BCAS4: variants seen among roughly 807,000 people sequenced by gnomAD.
The protein encoded by BCAS4 is breast carcinoma amplified sequence 4.
A neutral mutation model predicts 15.7 loss-of-function variants in BCAS4; 9 were observed. The observed-to-expected ratio is 0.57, with a 90% CI of 0.34 to 1.00. BCAS4 has a LOEUF of 1.00. Ranked by LOEUF, BCAS4 falls within the 50% of genes least tolerant of loss-of-function variation. The pLI, the probability that BCAS4 is intolerant of heterozygous loss-of-function variation, is 0.02. For missense variants in BCAS4, 225 were observed against 239.1 expected (o/e 0.94, Z 0.39); for synonymous variants, 101 against 99.5 (o/e 1.02, Z -0.09).
At chr20:50,801,868 C>T (rs557208547) in intron 1 of BCAS4, among the ~76,000 whole-genome samples, 6 of 152,196 alleles carry the variant, frequency 3.9e-5, no homozygotes, top group African/African-American at 1.2e-4. Context: ...AAAGATCTGA[C>T]AGCAGATGCC....
At chr20:50,819,193 G>A (rs2426201) in intron 2 of BCAS4, among the ~76,000 whole-genome samples, 28,971 of 150,196 alleles carry the variant, frequency 0.19, 3,541 homozygotes, top group African/African-American at 0.36. Context: ...AAAAAAAAAA[G>A]AAAAGAAAAA....
intron 4 of BCAS4, among the ~76,000 whole-genome samples, chr20:50,848,696 G>A (rs2088576472): frequency 6.6e-6 from 1 of 152,360 alleles, no homozygotes; most frequent in African/African-American, 2.4e-5. Context: ...GACGTCTTAG[G>A]ACTTGAACAC....
At chr20:50,807,555 A>T (rs551889086) in intron 1 of BCAS4, among the ~76,000 whole-genome samples, 1 of 152,182 alleles carries the variant, frequency 6.6e-6, no homozygotes, top group Non-Finnish European at 1.5e-5. Context: ...GTTTGGTTAC[A>T]TGAATAAGTT....
rs1978429840 is a variant in BCAS4 at position 50,851,693 on chromosome 20, G to C, written c.399+9793G>C. The stretch of plus-strand genomic sequence containing the variant: ...GCAGCAGTGCCCTGGGCCCAGCCCT[G>C]CCATCCTGGGGTTGTTGGACATTGT... On this transcript the variant is annotated intron_variant, in intron 4 of 4. Coordinates refer to ENST00000371608, the MANE Select transcript of BCAS4 (RefSeq NM_198799.4). The surrounding 1 kb of genome is among the most constrained non-coding windows in gnomAD (Gnocchi z 4.3). Among the ~76,000 whole-genome samples, 1 of 152,162 alleles carries C rather than the reference G, an allele frequency of 6.6e-6. No individual in the cohort carries two copies. Among genetic ancestry groups the C allele is most frequent in the Non-Finnish European group, 1.5e-5 (1 of 68,042 alleles).
intron 4 of BCAS4, among the ~76,000 whole-genome samples, chr20:50,875,602 T>TAAA (rs3971637): frequency 8.0e-5 from 8 of 100,544 alleles, no homozygotes; most frequent in East Asian, 2.9e-4. Flanking sequence ...TCATCTCTAC[T>TAAA]AAAAAAAAAA....
At chr20:50,823,513 C>T (rs1185439311) in intron 2 of BCAS4, among the ~76,000 whole-genome samples, 1 of 152,278 alleles carries the variant, frequency 6.6e-6, no homozygotes, top group East Asian at 1.9e-4. Flanking sequence ...TGATCTCACA[C>T]ATATGATATT....
At chr20:50,800,331 G>GT (rs1159599426) in intron 1 of BCAS4, among the ~76,000 whole-genome samples, 1 of 152,000 alleles carries the variant, frequency 6.6e-6, no homozygotes, top group Non-Finnish European at 1.5e-5. Flanking sequence ...GAAGCAGGGG[G>GT]TTTTTGGGGG....
In BCAS4 at chr20:50,802,575, A is replaced by G. The variant is rs369179491; in HGVS notation, c.90+7402A>G. On this transcript the variant is annotated intron_variant, in intron 1 of 4. Transcript: ENST00000371608. ...AGCTTCAGCGTCACACAGAGGCCTTAAAACAAACACGTTAGGCCAGGCATG... is the reference window on the plus strand; with the variant it reads ...AGCTTCAGCGTCACACAGAGGCCTTGAAACAAACACGTTAGGCCAGGCATG... Among the ~76,000 whole-genome samples the G allele has an allele frequency of 3.9e-3, 596 of 152,308 alleles. 3 individuals carry two copies. Among genetic ancestry groups the G allele is most frequent in the Middle Eastern group, 0.017 (5 of 294 alleles).
chr20:50,865,576 T>C (rs943788000), intron 4 of BCAS4, among the ~76,000 whole-genome samples: 1 of 152,190 alleles, frequency 6.6e-6, no homozygotes, highest in Non-Finnish European at 1.5e-5. Context: ...CAGCATCACC[T>C]TAACAAGATT....
rs1979982884 is a variant in BCAS4 at position 50,876,902 on chromosome 20, A to T, written c.*294A>T. On this transcript the variant is annotated 3_prime_UTR_variant, in exon 5 of 5. Coordinates refer to ENST00000371608, the MANE Select transcript of BCAS4 (RefSeq NM_198799.4). The stretch of plus-strand genomic sequence containing the variant: ...GTGAGACCACAGGGTTTGGAGAAGC[A>T]GTTGGAACCCACGTGTGGTGATGCC... 4.3e-6 allele frequency: 1 copy of T among 235,042 alleles called. No homozygotes were observed. Among genetic ancestry groups the T allele is most frequent in the Non-Finnish European group, 8.2e-6 (1 of 121,694 alleles). 14.6% of individuals were successfully genotyped at this position (235,042 alleles called of 1,614,324 possible). A position where few individuals can be genotyped will look rare whatever the true frequency, so the allele number is the denominator to read the frequency against.
At position 50,874,159 on chromosome 20, in the gene BCAS4, C is replaced by T. The variant is rs575217281; in HGVS notation, c.400-2327C>T. Among the ~76,000 whole-genome samples, 5 of 152,262 alleles carry T rather than the reference C, an allele frequency of 3.3e-5. No individual in the cohort carries two copies. The East Asian group carries it at 5.8e-4, about 18-fold the overall frequency. On this transcript the variant is annotated intron_variant, in intron 4 of 4. Transcript: ENST00000371608. ...CATCACACACACAGCCTCCTGCTTA[C>T]GAGCTGCAAAGGCCCTCAGTGCTCA...
intron 4 of BCAS4, among the ~76,000 whole-genome samples, chr20:50,869,906 A>G (rs1979549792): frequency 6.6e-6 from 1 of 151,384 alleles, no homozygotes; most frequent in Non-Finnish European, 1.5e-5. Flanking sequence ...CCGCCACCAC[A>G]CCCAGCTAAT....
intron 3 of BCAS4, 145 bp from the exon 4 acceptor site, chr20:50,841,620 GC>G: frequency 9.5e-7 from 1 of 1,050,218 alleles, no homozygotes; most frequent in Non-Finnish European, 1.4e-6. Context: ...AGCTAAGCAG[GC>G]CCTGCTGCCT....
intron 4 of BCAS4, 95 bp downstream of exon 4, chr20:50,841,995 G>A: frequency 7.1e-7 from 1 of 1,406,652 alleles, no homozygotes; most frequent in Non-Finnish European, 9.4e-7. Context: ...GCAGAGTTCA[G>A]GGGGGCACAT....
intron 4 of BCAS4, among the ~76,000 whole-genome samples, chr20:50,849,126 G>A (rs567690987): frequency 2.6e-5 from 4 of 152,252 alleles, no homozygotes; most frequent in Non-Finnish European, 2.9e-5. Context: ...CCTGGCTCAC[G>A]TGCCCAGGGG....
At chr20:50,804,179 C>A (rs903123060) in intron 1 of BCAS4, among the ~76,000 whole-genome samples, 1 of 152,152 alleles carries the variant, frequency 6.6e-6, no homozygotes, top group Non-Finnish European at 1.5e-5. Flanking sequence ...GCTGGGATTA[C>A]AGGCGCCTGC....
intron 1 of BCAS4, among the ~76,000 whole-genome samples, chr20:50,807,037 A>G (rs2087998729): frequency 6.6e-6 from 1 of 151,540 alleles, no homozygotes; most frequent in South Asian, 2.1e-4. Flanking sequence ...ACACACGGCT[A>G]ATTTTTGTAT....
At chr20:50,829,723 T>C (rs965282721) in intron 2 of BCAS4, among the ~76,000 whole-genome samples, 4 of 151,974 alleles carry the variant, frequency 2.6e-5, no homozygotes, top group Admixed American at 6.6e-5. Context: ...GAAAAATATG[T>C]GGCTTCATAC....
intron 1 of BCAS4, among the ~76,000 whole-genome samples, chr20:50,803,130 A>T (rs2087947978): frequency 6.7e-6 from 1 of 149,412 alleles, no homozygotes; most frequent in Non-Finnish European, 1.5e-5. Context: ...GCAGTGAGCC[A>T]AGATCGCGCC....
Sources: gnomAD v4.1 joint callset for allele counts (sites outside exome capture counted in the v4.1 genomes callset) on GRCh38, gnomAD v4.1.1 for gene constraint, Gnocchi (gnomAD v3.1) non-coding constraint, MANE v1.5 for transcripts, NCBI Gene and HGNC (gene_info 2026-07-23, HGNC 2026-07-21) for gene names.